Variants in TRUB2 observed in about 807,000 individuals in gnomAD.
TRUB2 encodes the protein TruB pseudouridine synthase family member 2.
Under a neutral mutation model 31.9 loss-of-function variants are expected in TRUB2, and 31 were observed. That is an observed-to-expected ratio of 0.97 (90% CI 0.73 to 1.31). TRUB2 has a LOEUF of 1.31. Among genes scored for constraint, TRUB2 ranks in the 50% most tolerant of loss-of-function variants. TRUB2 has a pLI of 0.00. For synonymous variants in TRUB2, 201 were observed against 182.6 expected, an observed-to-expected ratio of 1.10 and a Z score of -0.81; for missense variants, 451 against 439.6, an observed-to-expected ratio of 1.03 and a Z score of -0.23.
At chr9:128,317,864 C>T (rs377003425) in intron 2 of TRUB2, among the ~76,000 whole-genome samples, 20 of 152,240 alleles carry the variant, frequency 1.3e-4, no homozygotes, top group African/African-American at 4.6e-4. Flanking sequence ...TACAGAGTGG[C>T]GACTCAATAC....
At chr9:128,311,657 C>T in intron 5 of TRUB2, 56 bp from the exon 6 acceptor site, 1 of 1,584,634 alleles carries the variant, frequency 6.3e-7, no homozygotes, top group Non-Finnish European at 8.7e-7. Flanking sequence ...TTGGTCACAG[C>T]AAACTCCTTC....
chr9:128,311,831 ATTTTTTTTTT>A (rs1221501677), intron 5 of TRUB2, among the ~76,000 whole-genome samples: 1 of 118,892 alleles, frequency 8.4e-6, no homozygotes, highest in Non-Finnish European at 1.7e-5. Flanking sequence ...AGGGCACTCT[ATTTTTTTTTT>A]TTTTTTTTTT....
Position 128,311,599 on chromosome 9 carries a change from G to A in TRUB2, c.463C>T (p.His155Tyr). ...GRLVEKTTYD[H>Y]VTREKLDRIL... is the part of the protein sequence containing the mutation. The stretch of plus-strand genomic sequence containing the variant: ...CGGTCCAGCTTCTCTCTGGTCACGT[G>A]GTCTGGAAAAGGCAGGGGGTTGTCA... Residue 155 changes from histidine to tyrosine, a missense_variant and splice_region_variant, in exon 6 of 8, where the codon CAC becomes TAC. Coordinates refer to ENST00000372890, the MANE Select transcript of TRUB2 (RefSeq NM_015679.3). 6.2e-7 allele frequency: 1 copy of A among 1,613,956 alleles called. No homozygotes were observed. Among genetic ancestry groups the A allele is most frequent in the African/African-American group, 1.3e-5 (1 of 75,008 alleles).
Position 128,321,711 on chromosome 9 carries a change from A to G in TRUB2, c.129T>C (p.Pro43=). The change falls in exon 2 of 8, where the codon CCT becomes CCC. Residue 43 remains proline, a synonymous_variant. Coordinates refer to ENST00000372890, the MANE Select transcript of TRUB2 (RefSeq NM_015679.3). ...QLLKGLNARK[P]PAPKQRVRFL... is the part of the protein sequence containing the mutation. ...AGCGAACACGCTGTTTAGGAGCGGG[A>G]GGCTTCCTGGCATTGAGACCTGAAC... The G allele has an allele frequency of 6.2e-7, 1 of 1,613,626 alleles. No individual in the cohort carries two copies. Among genetic ancestry groups the G allele is most frequent in the East Asian group, 2.2e-5 (1 of 44,886 alleles).
Position 128,309,436 on chromosome 9 carries a change from T to G in TRUB2, c.*114A>C. Reference sequence around the variant, plus strand: ...TGACCTTTCTGTTACAGCTTGAGTTTTGTGTCTTACGTAGAAAAGGTGCCC... The same window carrying G: ...TGACCTTTCTGTTACAGCTTGAGTTGTGTGTCTTACGTAGAAAAGGTGCCC... On this transcript the variant is annotated 3_prime_UTR_variant, in exon 8 of 8. Transcript: ENST00000372890. 1 of 1,182,100 alleles carries G rather than the reference T, an allele frequency of 8.5e-7. No individual in the cohort carries two copies. The allele number at this position is 1,182,100 out of a possible 1,614,324, so 73.2% of individuals were successfully genotyped here.
chr9:128,322,425 A>G lies in TRUB2; in HGVS notation c.-17T>C, dbSNP rs1832210075. 1 of 1,613,030 alleles carries G rather than the reference A, an allele frequency of 6.2e-7. No homozygotes were observed. The highest frequency in any genetic ancestry group is 1.3e-5 in the African/African-American group (1 of 74,870). ...AGACCCCATACTTGAAGATCACAGC[A>G]CCCGCTGGACCTGGACGGAAGTACC... On this transcript the variant is annotated 5_prime_UTR_variant, in exon 1 of 8. Coordinates refer to ENST00000372890, the MANE Select transcript of TRUB2 (RefSeq NM_015679.3).
intron 6 of TRUB2, 70 bp downstream of exon 6, chr9:128,311,459 G>GT: frequency 6.7e-6 from 10 of 1,482,366 alleles, no homozygotes; most frequent in Non-Finnish European, 9.4e-6. Flanking sequence ...TCTGCCCCAG[G>GT]TTTGGGGGAG....
At position 128,309,143 on chromosome 9, in the gene TRUB2, TTTA is replaced by T. The variant is rs1187395899; in HGVS notation, c.*404_*406del. 3 of 173,570 alleles carry T rather than the reference TTTA, an allele frequency of 1.7e-5. No individual in the cohort carries two copies. Among genetic ancestry groups the T allele is most frequent in the Admixed American group, 1.6e-4 (3 of 18,254 alleles). 10.8% of individuals were successfully genotyped at this position (173,570 alleles called of 1,614,324 possible). A position where few individuals can be genotyped will look rare whatever the true frequency, so the allele number is the denominator to read the frequency against. On this transcript the variant is annotated 3_prime_UTR_variant, in exon 8 of 8. Transcript: ENST00000372890. Reference sequence around the variant, plus strand: ...ATTTTTAATTTTCGTGGGCACATAGTTTATTGAGAATTTTTTTTTTTTTGAGAT... The same window carrying T: ...ATTTTTAATTTTCGTGGGCACATAGTTTGAGAATTTTTTTTTTTTTGAGAT...
intron 2 of TRUB2, among the ~76,000 whole-genome samples, chr9:128,317,572 A>G (rs981101085): frequency 4.6e-5 from 7 of 152,186 alleles, no homozygotes; most frequent in Non-Finnish European, 8.8e-5. Context: ...TGAGCTCCTT[A>G]AGGCAGAACC....
In TRUB2 at chr9:128,309,500, TAGC is replaced by T; in HGVS notation, c.*47_*49del. ...CTGCACAGCTATCAGGTCCAGCTCA[TAGC>T]AGTTCTTCTATTTATCCATCCACTG... On this transcript the variant is annotated 3_prime_UTR_variant, in exon 8 of 8. Transcript: ENST00000372890. The T allele has an allele frequency of 6.4e-7, 1 of 1,558,936 alleles. No individual in the cohort carries two copies. The highest frequency in any genetic ancestry group is 2.3e-5 in the East Asian group (1 of 44,298).
intron 1 of TRUB2, 66 bp from the exon 2 acceptor site, chr9:128,321,796 A>G: frequency 6.0e-6 from 9 of 1,501,204 alleles, no homozygotes; most frequent in Non-Finnish European, 7.2e-6. Context: ...AATATTTTTT[A>G]AGAGACAGGG....
chr9:128,313,334 G>A (rs1414704685), intron 5 of TRUB2, among the ~76,000 whole-genome samples: 1 of 151,464 alleles, frequency 6.6e-6, no homozygotes, highest in Non-Finnish European at 1.5e-5. Context: ...AGACCATCTT[G>A]GCTAACATGG....
At position 128,317,231 on chromosome 9, in the gene TRUB2, A is replaced by T; in HGVS notation, c.242-5T>A. On this transcript the variant is annotated splice_region_variant and splice_polypyrimidine_tract_variant and intron_variant, in intron 2 of 7. Transcript: ENST00000372890. ...GGGCGAATGCTGGTCCACATACTGG[A>T]AAGAAACAAACAAGGTCCATTTTCT... 6.3e-7 allele frequency: 1 copy of T among 1,590,200 alleles called. No individual in the cohort carries two copies. The highest frequency in any genetic ancestry group is 1.1e-5 in the South Asian group (1 of 87,678).
chr9:128,314,314 T>C (rs1368234131), intron 4 of TRUB2, among the ~76,000 whole-genome samples: 1 of 151,944 alleles, frequency 6.6e-6, no homozygotes, highest in Non-Finnish European at 1.5e-5. Flanking sequence ...CCAACCTAAC[T>C]CGGCAATTTA....
Position 128,311,283 on chromosome 9 carries a change from C to T in TRUB2, c.533+246G>A, listed in dbSNP as rs151195880. On this transcript the variant is annotated intron_variant, in intron 6 of 7. Transcript: ENST00000372890. ...CTCCAATGATGTGGTCCCTGGTTTC[C>T]TTGCCATTAGATCATATACTCTCAG... 809 of 624,084 alleles carry T rather than the reference C, an allele frequency of 1.3e-3. 5 individuals are homozygous for T. The highest frequency in any genetic ancestry group is 0.012 in the African/African-American group (651 of 54,400). The allele number at this position is 624,084 out of a possible 1,614,324, so 38.7% of individuals were successfully genotyped here.
At chr9:128,311,648 T>G in intron 5 of TRUB2, 47 bp from the exon 6 acceptor site, 1 of 1,597,814 alleles carries the variant, frequency 6.3e-7, no homozygotes, top group Non-Finnish European at 8.6e-7. Context: ...TGCTGAGTAT[T>G]GGTCACAGCA....
chr9:128,321,788 TA>T, intron 1 of TRUB2, 58 bp from the exon 2 acceptor site: 3 of 1,524,148 alleles, frequency 2.0e-6, no homozygotes, highest in Non-Finnish European at 2.7e-6. Flanking sequence ...ACATATAAAA[TA>T]TTTTTTAAGA....
At chr9:128,311,838 T>C (rs1831975835) in intron 5 of TRUB2, among the ~76,000 whole-genome samples, 1 of 147,234 alleles carries the variant, frequency 6.8e-6, no homozygotes, top group Non-Finnish European at 1.5e-5. Flanking sequence ...TCTATTTTTT[T>C]TTTTTTTTTT....
Position 128,306,839 on chromosome 9 carries a change from G to A in TRUB2, c.*2711C>T, listed in dbSNP as rs750951446. The A allele has an allele frequency of 6.6e-6, 1 of 151,990 alleles. No individual in the cohort carries two copies. Among genetic ancestry groups the A allele is most frequent in the Non-Finnish European group, 1.5e-5 (1 of 68,028 alleles). 9.4% of individuals were successfully genotyped at this position (151,990 alleles called of 1,614,324 possible). On this transcript the variant is annotated 3_prime_UTR_variant, in exon 8 of 8. Transcript: ENST00000372890. ...CAATCTCCACCTCCTGGGCTTCAGC[G>A]ATTCTTGTGCCTCAGCCTCCCAAGT...
Sources: gnomAD v4.1 joint callset for allele counts (sites outside exome capture counted in the v4.1 genomes callset) on GRCh38, gnomAD v4.1.1 for gene constraint, MANE v1.5 for transcripts, NCBI Gene and HGNC (gene_info 2026-07-23, HGNC 2026-07-21) for gene names.